ITPRID1: variants seen among roughly 807,000 people sequenced by gnomAD.
The protein encoded by ITPRID1 is protein ITPRID1.
In ITPRID1, 96 loss-of-function variants were observed where a neutral mutation model predicts 95.4. That is an observed-to-expected ratio of 1.01 (90% CI 0.85 to 1.19). The LOEUF is 1.19. Ranked by LOEUF, ITPRID1 falls within the 50% of genes most tolerant of loss-of-function variation. The pLI is 0.00. For missense variants in ITPRID1, 1,339 were observed against 1,252.9 expected, an observed-to-expected ratio of 1.07 and a Z score of -1.04; for synonymous variants, 510 against 453.6, an observed-to-expected ratio of 1.12 and a Z score of -1.58.
intron 1 of ITPRID1, among the ~76,000 whole-genome samples, chr7:31,516,972 C>G (rs7780463): frequency 0.26 from 39,591 of 152,096 alleles, 5,376 homozygotes; most frequent in Middle Eastern, 0.37. Context: ...TGTGGTCTCA[C>G]TTCGTGGTCT....
chr7:31,528,106 A>T (rs1185371779), intron 1 of ITPRID1, among the ~76,000 whole-genome samples: 2 of 152,182 alleles, frequency 1.3e-5, no homozygotes, highest in Non-Finnish European at 2.9e-5. Flanking sequence ...CCCCAAGGTA[A>T]TGTGAGTAGG....
intron 10 of ITPRID1, among the ~76,000 whole-genome samples, chr7:31,639,930 C>T (rs1789868909): frequency 6.6e-6 from 1 of 152,140 alleles, no homozygotes; most frequent in Non-Finnish European, 1.5e-5. Flanking sequence ...GATTTTTCTC[C>T]TCATAATGGA....
At chr7:31,586,957 G>A (rs1286931912) in intron 10 of ITPRID1, among the ~76,000 whole-genome samples, 2 of 151,848 alleles carry the variant, frequency 1.3e-5, no homozygotes, top group Non-Finnish European at 2.9e-5. Context: ...TTTCTTCTAG[G>A]GTTTTTATGG....
chr7:31,601,050 G>A (rs746433072), intron 10 of ITPRID1, among the ~76,000 whole-genome samples: 14 of 152,060 alleles, frequency 9.2e-5, no homozygotes, highest in Non-Finnish European at 1.8e-4. Context: ...CTCCTGAGTC[G>A]ACCTTAAGAG....
At chr7:31,656,718 G>A (rs1791323088), downstream of ITPRID1, among the ~76,000 whole-genome samples, 1 of 152,146 alleles carries the variant, frequency 6.6e-6, no homozygotes, top group South Asian at 2.1e-4. Context: ...GGACGGTTTT[G>A]ACAGTCAGAA....
chr7:31,597,081 A>G (rs1402114051), intron 10 of ITPRID1, among the ~76,000 whole-genome samples: 1 of 152,028 alleles, frequency 6.6e-6, no homozygotes, highest in East Asian at 1.9e-4. Context: ...ATTGATTCAT[A>G]ATTTAAAAAC....
intron 10 of ITPRID1, among the ~76,000 whole-genome samples, chr7:31,629,639 G>A (rs1328431950): frequency 6.6e-6 from 1 of 152,132 alleles, no homozygotes; most frequent in Non-Finnish European, 1.5e-5. Context: ...TCAGACCATG[G>A]GTCCATAGAG....
At chr7:31,632,119 A>T (rs1007542519) in intron 10 of ITPRID1, among the ~76,000 whole-genome samples, 8 of 152,210 alleles carry the variant, frequency 5.3e-5, no homozygotes, top group Non-Finnish European at 7.3e-5. Context: ...AATGCCATAG[A>T]CAACACAGAT....
At chr7:31,536,601 T>C (rs2128131697) in intron 1 of ITPRID1, among the ~76,000 whole-genome samples, 1 of 152,326 alleles carries the variant, frequency 6.6e-6, no homozygotes, top group Middle Eastern at 3.4e-3. Flanking sequence ...TAAATATTTT[T>C]ATGATCTTCA....
chr7:31,594,755 G>C (rs1025839562), intron 10 of ITPRID1, among the ~76,000 whole-genome samples: 1 of 152,036 alleles, frequency 6.6e-6, no homozygotes, highest in Admixed American at 6.6e-5. Flanking sequence ...TACTTGGAAG[G>C]CTGAGGCAGA....
chr7:31,641,085 G>A (rs772791882), intron 10 of ITPRID1, among the ~76,000 whole-genome samples: 6 of 152,136 alleles, frequency 3.9e-5, no homozygotes, highest in Admixed American at 2.6e-4. Flanking sequence ...CACATGGACC[G>A]TTAAGGCTCT....
intron 10 of ITPRID1, among the ~76,000 whole-genome samples, chr7:31,626,065 A>T (rs1449067886): frequency 6.6e-6 from 1 of 152,218 alleles, no homozygotes; most frequent in Non-Finnish European, 1.5e-5. Context: ...TGATTCTAAA[A>T]TCAAAGAACA....
At chr7:31,529,501 C>T in intron 1 of ITPRID1, 1 of 434,782 alleles carries the variant, frequency 2.3e-6, no homozygotes, top group Non-Finnish European at 4.1e-6. Context: ...GAAGTTGTTA[C>T]TAGTAACTCC....
At chr7:31,595,797 T>C (rs771760251) in intron 10 of ITPRID1, among the ~76,000 whole-genome samples, 5 of 151,970 alleles carry the variant, frequency 3.3e-5, no homozygotes, top group Non-Finnish European at 5.9e-5. Flanking sequence ...TGATTTGATA[T>C]GTAAAATCCA....
At chr7:31,599,943 C>A (rs910859555) in intron 10 of ITPRID1, among the ~76,000 whole-genome samples, 3 of 152,014 alleles carry the variant, frequency 2.0e-5, no homozygotes, top group Non-Finnish European at 4.4e-5. Context: ...CGTGATCCGC[C>A]GGCCTCTGCC....
chr7:31,629,953 T>A (rs1788840522), intron 10 of ITPRID1, among the ~76,000 whole-genome samples: 1 of 152,046 alleles, frequency 6.6e-6, no homozygotes, highest in East Asian at 1.9e-4. Flanking sequence ...ATGATATAAA[T>A]ATAATAAATA....
chr7:31,627,732 A>C (rs1788607805), intron 10 of ITPRID1, among the ~76,000 whole-genome samples: 1 of 151,880 alleles, frequency 6.6e-6, no homozygotes, highest in African/African-American at 2.4e-5. Context: ...ACAGAATGGA[A>C]AGCAGTGTCT....
chr7:31,627,078 T>C (rs38366), intron 10 of ITPRID1, among the ~76,000 whole-genome samples: 148,737 of 152,326 alleles, frequency 0.98, 72,631 homozygotes, highest in East Asian at 0.99. Flanking sequence ...AATTCAAAAG[T>C]ACTCCTAGTG....
intron 10 of ITPRID1, among the ~76,000 whole-genome samples, chr7:31,629,180 C>T (rs964874442): frequency 1.4e-4 from 21 of 152,208 alleles, no homozygotes; most frequent in African/African-American, 5.1e-4. Flanking sequence ...CAGGACATTG[C>T]ATGCACATTT....
Sources: allele counts gnomAD v4.1 joint callset (sites outside exome capture counted in the v4.1 genomes callset), GRCh38; gene constraint gnomAD v4.1.1; transcripts MANE v1.5; gene names NCBI Gene and HGNC (gene_info 2026-07-23, HGNC 2026-07-21).